The following AKAP6 variants were observed in gnomAD, a reference collection of about 807,000 sequenced individuals.
AKAP6 encodes A-kinase anchor protein 6.
In AKAP6, 58 loss-of-function variants were observed where a neutral mutation model predicts 188.5. The observed-to-expected ratio is 0.31, with a 90% CI of 0.25 to 0.38. AKAP6 has a LOEUF of 0.38. AKAP6 is among the 10% of genes least tolerant of loss of function. The probability of loss-of-function intolerance (pLI) is 1.00; values close to 1 mark genes in which losing one functional copy is unlikely to be tolerated. For synonymous variants in AKAP6, 989 were observed against 998.6 expected (o/e 0.99, Z 0.18); for missense variants, 2,710 against 2,740.0 (o/e 0.99, Z 0.24).
intron 1 of AKAP6, among the ~76,000 whole-genome samples, chr14:32,331,872 A>G (rs895865384): frequency 5.9e-5 from 9 of 152,256 alleles, no homozygotes; most frequent in Admixed American, 5.2e-4. Flanking sequence ...TGTCCTCTAT[A>G]CTTTTGGTCA....
At chr14:32,776,220 C>T (rs1392375394) in intron 12 of AKAP6, among the ~76,000 whole-genome samples, 3 of 152,196 alleles carry the variant, frequency 2.0e-5, no homozygotes, top group Non-Finnish European at 4.4e-5. Flanking sequence ...CAAATCTCCT[C>T]TTGAATTGTA....
intron 8 of AKAP6, among the ~76,000 whole-genome samples, chr14:32,689,736 C>T (rs185279577): frequency 2.6e-4 from 40 of 152,026 alleles, no homozygotes; most frequent in African/African-American, 9.4e-4. Context: ...GCTTATATGA[C>T]ACATGGAGTA....
At chr14:32,583,417 G>T (rs1268691044) in intron 5 of AKAP6, among the ~76,000 whole-genome samples, 1 of 152,228 alleles carries the variant, frequency 6.6e-6, no homozygotes, top group Admixed American at 6.5e-5. Context: ...GTGCCTCCCA[G>T]TTAGGCTGCT....
chr14:32,333,586 G>C (rs1886598955), intron 1 of AKAP6, among the ~76,000 whole-genome samples: 1 of 151,956 alleles, frequency 6.6e-6, no homozygotes, highest in South Asian at 2.1e-4. Flanking sequence ...CATTTGTATA[G>C]GTACATATAG....
chr14:32,482,764 G>A (rs1879420423), intron 2 of AKAP6, among the ~76,000 whole-genome samples: 1 of 151,964 alleles, frequency 6.6e-6, no homozygotes, highest in Non-Finnish European at 1.5e-5. Context: ...CTCAGAAAAC[G>A]TCCCAAATAA....
intron 12 of AKAP6, among the ~76,000 whole-genome samples, chr14:32,778,480 T>C (rs2033136688): frequency 6.6e-6 from 1 of 152,118 alleles, no homozygotes; most frequent in African/African-American, 2.4e-5. Flanking sequence ...GTTTTTTTTT[T>C]TGAAAAGAGG....
chr14:32,434,026 C>G (rs1890304641), intron 2 of AKAP6: 3 of 545,640 alleles, frequency 5.5e-6, no homozygotes, highest in Middle Eastern at 4.9e-4. Flanking sequence ...ATACAACTGG[C>G]CTTTGGTGAT....
At chr14:32,808,208 A>G (rs2034137712) in intron 12 of AKAP6, among the ~76,000 whole-genome samples, 1 of 152,224 alleles carries the variant, frequency 6.6e-6, no homozygotes, top group Non-Finnish European at 1.5e-5. Flanking sequence ...TTCCTAGAAC[A>G]CCTATACATC....
intron 2 of AKAP6, among the ~76,000 whole-genome samples, chr14:32,488,730 G>A (rs1879835393): frequency 6.6e-6 from 1 of 152,166 alleles, no homozygotes; most frequent in African/African-American, 2.4e-5. Context: ...ATCTGGACCA[G>A]ATAGCACGGT....
At chr14:32,740,337 C>A (rs1217086077) in intron 11 of AKAP6, among the ~76,000 whole-genome samples, 2 of 151,528 alleles carry the variant, frequency 1.3e-5, no homozygotes, top group East Asian at 3.9e-4. Context: ...GTGTCTTCAT[C>A]TTGTTATTTC....
intron 12 of AKAP6, among the ~76,000 whole-genome samples, chr14:32,782,485 A>G (rs1288870580): frequency 6.6e-6 from 1 of 152,174 alleles, no homozygotes; most frequent in Non-Finnish European, 1.5e-5. Context: ...CAGAGATTCC[A>G]TCACCATCTA....
chr14:32,695,906 G>A (rs1566652219), intron 8 of AKAP6, 84 bp from the exon 9 acceptor site: 3 of 1,446,780 alleles, frequency 2.1e-6, no homozygotes, highest in Admixed American at 2.6e-5. Flanking sequence ...AACATCATGG[G>A]TTTTCAAGAA....
At chr14:32,737,732 C>T (rs1235854235) in intron 11 of AKAP6, among the ~76,000 whole-genome samples, 2 of 152,110 alleles carry the variant, frequency 1.3e-5, no homozygotes, top group African/African-American at 4.8e-5. Flanking sequence ...AGCCTTTTAA[C>T]ATAACTGAAG....
intron 2 of AKAP6, among the ~76,000 whole-genome samples, chr14:32,445,256 C>T (rs1253323249): frequency 6.6e-6 from 1 of 152,052 alleles, no homozygotes; most frequent in Non-Finnish European, 1.5e-5. Context: ...TATTCTTTAC[C>T]CCAAACTTCT....
intron 5 of AKAP6, among the ~76,000 whole-genome samples, chr14:32,584,077 C>T (rs1302019711): frequency 6.6e-6 from 1 of 152,242 alleles, no homozygotes; most frequent in Non-Finnish European, 1.5e-5. Context: ...ATCACTCACG[C>T]TGGGAGCTGT....
At chr14:32,457,824 A>AT (rs757324090) in intron 2 of AKAP6, among the ~76,000 whole-genome samples, 3 of 152,236 alleles carry the variant, frequency 2.0e-5, no homozygotes, top group African/African-American at 4.8e-5. Context: ...ATTGGGACCC[A>AT]TATCATGCCA....
At chr14:32,773,091 C>G (rs1322914176) in intron 11 of AKAP6, among the ~76,000 whole-genome samples, 1 of 152,084 alleles carries the variant, frequency 6.6e-6, no homozygotes, top group Non-Finnish European at 1.5e-5. Context: ...CAGTAATAAT[C>G]CAGTATCTTA....
At chr14:32,389,670 G>C (rs1463625760) in intron 1 of AKAP6, among the ~76,000 whole-genome samples, 1 of 152,030 alleles carries the variant, frequency 6.6e-6, no homozygotes, top group East Asian at 1.9e-4. Context: ...CTGAAGATAG[G>C]GTCCCCATCC....
chr14:32,592,672 G>C (rs1885535318), intron 5 of AKAP6, among the ~76,000 whole-genome samples: 1 of 152,138 alleles, frequency 6.6e-6, no homozygotes. Context: ...GAGTCTTAAT[G>C]TCAGAGCTGT....
Sources: gnomAD v4.1 joint callset for allele counts (sites outside exome capture counted in the v4.1 genomes callset) on GRCh38, gnomAD v4.1.1 for gene constraint, MANE v1.5 for transcripts, NCBI Gene and HGNC (gene_info 2026-07-23, HGNC 2026-07-21) for gene names.